PIGK: variants seen among roughly 807,000 people sequenced by gnomAD.
The protein encoded by PIGK is GPI-anchor transamidase.
Under a neutral mutation model 50.6 loss-of-function variants are expected in PIGK, and 42 were observed. The observed-to-expected ratio is 0.83, with a 90% CI of 0.65 to 1.07. The LOEUF (loss-of-function observed/expected upper bound fraction) is 1.07. Among genes scored for constraint, PIGK ranks in the 50% least tolerant of loss-of-function variants. PIGK has a pLI of 0.00. For synonymous variants in PIGK, 151 were observed against 156.0 expected (o/e 0.97, Z 0.24); for missense variants, 448 against 488.7 (o/e 0.92, Z 0.78).
intron 9 of PIGK, among the ~76,000 whole-genome samples, chr1:77,149,007 G>T (rs1001268737): frequency 6.6e-6 from 1 of 152,014 alleles, no homozygotes; most frequent in African/African-American, 2.4e-5. Flanking sequence ...GAGCCACCAC[G>T]CCCAGCCATA....
At chr1:77,122,382 A>T (rs1223385489) in intron 9 of PIGK, 23 bp from the exon 10 acceptor site, 2 of 1,341,924 alleles carry the variant, frequency 1.5e-6, no homozygotes, top group South Asian at 2.4e-5. Flanking sequence ...ATTTAAAAAC[A>T]CAGAGCTAAG....
At chr1:77,179,189 G>A (rs1044238124) in intron 3 of PIGK, among the ~76,000 whole-genome samples, 1 of 152,160 alleles carries the variant, frequency 6.6e-6, no homozygotes, top group African/African-American at 2.4e-5. Flanking sequence ...TCCTACCTTT[G>A]CAAAACTCAC....
chr1:77,213,773 A>C (rs891957961), intron 1 of PIGK, among the ~76,000 whole-genome samples: 1 of 152,150 alleles, frequency 6.6e-6, no homozygotes, highest in Non-Finnish European at 1.5e-5. Flanking sequence ...TTAAAAAAAT[A>C]AACAATATCA....
At chr1:77,113,246 T>C (rs2100521138) in intron 10 of PIGK, among the ~76,000 whole-genome samples, 1 of 152,238 alleles carries the variant, frequency 6.6e-6, no homozygotes, top group East Asian at 1.9e-4. Flanking sequence ...TCTTTCTTAG[T>C]AACTAAGTTG....
chr1:77,132,109 AC>A (rs1266715768), intron 9 of PIGK, among the ~76,000 whole-genome samples: 1 of 152,016 alleles, frequency 6.6e-6, no homozygotes, highest in African/African-American at 2.4e-5. Context: ...TCTAAATATT[AC>A]GTTAGCCACC....
At chr1:77,204,706 C>A (rs893681769) in intron 3 of PIGK, among the ~76,000 whole-genome samples, 2 of 152,088 alleles carry the variant, frequency 1.3e-5, no homozygotes, top group Non-Finnish European at 2.9e-5. Context: ...TAGAAAAGAA[C>A]CTACGTTGAA....
At chr1:77,190,352 G>A (rs916012651) in intron 3 of PIGK, among the ~76,000 whole-genome samples, 6 of 152,048 alleles carry the variant, frequency 3.9e-5, no homozygotes, top group East Asian at 1.9e-4. Flanking sequence ...AGTGAGCTAC[G>A]ATCATGCCAT....
chr1:77,174,264 T>G (rs1655430686), intron 3 of PIGK, among the ~76,000 whole-genome samples: 1 of 152,242 alleles, frequency 6.6e-6, no homozygotes, highest in South Asian at 2.1e-4. Flanking sequence ...TTAAAAGGAC[T>G]TTTATAGAGG....
intron 9 of PIGK, chr1:77,129,257 G>T (rs1175029302): frequency 6.2e-7 from 1 of 1,608,878 alleles, no homozygotes; most frequent in Non-Finnish European, 8.5e-7. Context: ...CGAAGTATCT[G>T]AAAGATGTCA....
At chr1:77,113,344 T>G (rs962655914) in intron 10 of PIGK, among the ~76,000 whole-genome samples, 2 of 152,122 alleles carry the variant, frequency 1.3e-5, no homozygotes, top group Non-Finnish European at 2.9e-5. Context: ...TGTCTAATAT[T>G]CTTTAGGGAT....
chr1:77,136,663 A>T (rs1654526561), intron 9 of PIGK, among the ~76,000 whole-genome samples: 1 of 152,056 alleles, frequency 6.6e-6, no homozygotes, highest in South Asian at 2.1e-4. Flanking sequence ...AAATGTTCAC[A>T]TGAAGTATAT....
chr1:77,204,914 T>C (rs1656255856), intron 3 of PIGK, among the ~76,000 whole-genome samples: 1 of 152,208 alleles, frequency 6.6e-6, no homozygotes, highest in Non-Finnish European at 1.5e-5. Flanking sequence ...AAATAACAAA[T>C]GGCTTAAATC....
intron 6 of PIGK, 98 bp downstream of exon 6, chr1:77,163,748 T>C: frequency 1.5e-6 from 1 of 671,962 alleles, no homozygotes; most frequent in Non-Finnish European, 2.5e-6. Context: ...ATTGTCAAAA[T>C]AAGTTAAAAA....
intron 10 of PIGK, among the ~76,000 whole-genome samples, chr1:77,118,882 G>A (rs1206307163): frequency 6.6e-6 from 1 of 152,184 alleles, no homozygotes; most frequent in Non-Finnish European, 1.5e-5. Context: ...CTGTGGGGGT[G>A]TTGCTAAAGG....
rs185061786 is a variant in PIGK at position 77,168,960 on chromosome 1, C to T, written c.375+300G>A. Reference sequence around the variant, plus strand: ...AATTTTAGGTCAAATATGAAAAATACACATTTACTATAAAATATATTTACT... The same window carrying T: ...AATTTTAGGTCAAATATGAAAAATATACATTTACTATAAAATATATTTACT... On this transcript the variant is annotated intron_variant, in intron 4 of 10. Transcript: ENST00000370812. 1.0e-3 allele frequency among the ~76,000 whole-genome samples: 156 copies of T among 151,904 alleles called. 1 individual carries two copies. The highest frequency in any genetic ancestry group is 3.5e-3 in the African/African-American group (147 of 41,438).
At chr1:77,119,389 T>TATAAAATAAA (rs1654046334) in intron 10 of PIGK, among the ~76,000 whole-genome samples, 1 of 152,206 alleles carries the variant, frequency 6.6e-6, no homozygotes, top group African/African-American at 2.4e-5. Flanking sequence ...TCTTCACTGC[T>TATAAAATAAA]GTGACAGAAA....
chr1:77,153,326 G>C (rs1269270331), intron 9 of PIGK, among the ~76,000 whole-genome samples: 1 of 152,104 alleles, frequency 6.6e-6, no homozygotes, highest in South Asian at 2.1e-4. Context: ...AGGAGGTAGA[G>C]GGTAGACCAG....
chr1:77,131,936 G>C (rs1654380090), intron 9 of PIGK, among the ~76,000 whole-genome samples: 1 of 151,878 alleles, frequency 6.6e-6, no homozygotes, highest in African/African-American at 2.4e-5. Context: ...TTCATATTAT[G>C]TCAGCACCTC....
chr1:77,206,671 T>A lies in PIGK; in HGVS notation c.208A>T (p.Arg70Ter). ...RHVANTLSVY[R>*]SVKRLGIPDS... ...GGAATACCTAGCCTCTTGACACTTC[T>A]ATAAACAGAAAGGGTATTTGCAACA... Residue 70 changes from arginine to a stop codon, truncating the protein, a stop_gained, in exon 3 of 11, where the codon AGA (arginine) becomes TGA (stop). Transcript: ENST00000370812. LOFTEE classifies it high-confidence loss of function. 1 of 1,611,140 alleles carries A rather than the reference T, an allele frequency of 6.2e-7. No homozygotes were observed. Among genetic ancestry groups the A allele is most frequent in the Non-Finnish European group, 8.5e-7 (1 of 1,177,450 alleles).
Sources: allele counts gnomAD v4.1 joint callset (sites outside exome capture counted in the v4.1 genomes callset), GRCh38; gene constraint gnomAD v4.1.1; transcripts MANE v1.5; gene names NCBI Gene and HGNC (gene_info 2026-07-23, HGNC 2026-07-21).